JPH2: variants seen among roughly 807,000 people sequenced by gnomAD.
JPH2 encodes the protein junctophilin-2.
In JPH2, 38 loss-of-function variants were observed where a neutral mutation model predicts 55.9. The ratio of observed to expected loss-of-function variants is 0.68; its 90% CI spans 0.52 to 0.89. The LOEUF (loss-of-function observed/expected upper bound fraction) is 0.89. JPH2 is among the 40% of genes least tolerant of loss of function. The probability of loss-of-function intolerance (pLI) is 0.00; values close to 1 mark genes in which losing one functional copy is unlikely to be tolerated. For synonymous variants in JPH2, 480 were observed against 472.4 expected (o/e 1.02, Z -0.21); for missense variants, 964 against 1,037.6 (o/e 0.93, Z 0.97).
Position 44,109,504 on chromosome 20 carries a change from G to T in JPH2, c.*4014C>A, listed in dbSNP as rs3827093. Among the ~76,000 whole-genome samples, 64,220 of 152,016 alleles carry T rather than the reference G, an allele frequency of 0.42. 13,935 individuals carry two copies. The highest frequency in any genetic ancestry group is 0.53 in the African/African-American group (21,836 of 41,428). ...AGCTGTTCTGCCACCACATACAGGA[G>T]GTGAAGGGCTTAGCACAGGGCCTGA... On this transcript the variant is annotated 3_prime_UTR_variant, in exon 6 of 6. Coordinates refer to ENST00000372980, the MANE Select transcript of JPH2 (RefSeq NM_020433.5).
rs1478212139 is a variant in JPH2 at position 44,159,424 on chromosome 20, G to A, written c.1169+194C>T. ...GGTTAAGTCAGTGGAAGGGCTGGGT[G>A]TAACTGAGTGATGGATGGATGGGTG... On this transcript the variant is annotated intron_variant, in intron 2 of 5. Transcript: ENST00000372980. This position sits in a 1 kb window ranked among gnomAD's most constrained non-coding sequence, Gnocchi z 5.7. Among the ~76,000 whole-genome samples the A allele has an allele frequency of 1.3e-5, 2 of 152,126 alleles. No individual in the cohort carries two copies. Among genetic ancestry groups the A allele is most frequent in the East Asian group, 3.9e-4 (2 of 5,194 alleles).
At chr20:44,142,007 G>A (rs1020549724) in intron 2 of JPH2, among the ~76,000 whole-genome samples, 19 of 152,310 alleles carry the variant, frequency 1.2e-4, no homozygotes, top group Middle Eastern at 6.8e-3. Flanking sequence ...AGAGACAGAC[G>A]CAGTGACTGA....
intron 1 of JPH2, among the ~76,000 whole-genome samples, chr20:44,162,787 T>TATATATATACAC (rs1311653754): frequency 2.4e-5 from 1 of 41,004 alleles, no homozygotes; most frequent in Non-Finnish European, 4.2e-5. Context: ...TATATATATA[T>TATATATATACAC]ACACACACAC....
chr20:44,121,729 G>A (rs1045423100), intron 2 of JPH2, among the ~76,000 whole-genome samples: 7 of 152,102 alleles, frequency 4.6e-5, no homozygotes, highest in Admixed American at 3.3e-4. Context: ...GCTCGTGCTT[G>A]TAATCCCAGC....
chr20:44,116,993 CT>C (rs1296324181), intron 3 of JPH2, among the ~76,000 whole-genome samples: 2 of 152,150 alleles, frequency 1.3e-5, no homozygotes, highest in African/African-American at 4.8e-5. Flanking sequence ...CTTAAAAACC[CT>C]TCATGGCTGG....
chr20:44,163,224 A>C (rs2072628330), intron 1 of JPH2, among the ~76,000 whole-genome samples: 1 of 152,234 alleles, frequency 6.6e-6, no homozygotes, highest in African/African-American at 2.4e-5. Context: ...AATATCTGCA[A>C]AATGGCTGAC....
chr20:44,133,985 AT>A (rs5841550), intron 2 of JPH2, among the ~76,000 whole-genome samples: 4 of 35,000 alleles, frequency 1.1e-4, no homozygotes, highest in African/African-American at 2.4e-4. Flanking sequence ...ATAAATATAT[AT>A]TATTATAAAT....
Position 44,118,545 on chromosome 20 carries a change from G to T in JPH2, c.1248C>A (p.Arg416=), listed in dbSNP as rs1244198485. The change falls in exon 3 of 6, where the codon CGC becomes CGA. Residue 416 remains arginine, a synonymous_variant. Coordinates refer to ENST00000372980, the MANE Select transcript of JPH2 (RefSeq NM_020433.5). ...LAANQESNIA[R]TLARELAPDF... Reference sequence around the variant, plus strand: ...CCGGAGCCAGCTCCCTGGCCAAAGTGCGAGCAATGTTGGACTCCTGGTTGG... The same window carrying T: ...CCGGAGCCAGCTCCCTGGCCAAAGTTCGAGCAATGTTGGACTCCTGGTTGG... The T allele has an allele frequency of 1.9e-6, 3 of 1,613,254 alleles. No homozygotes were observed. Among genetic ancestry groups the T allele is most frequent in the Non-Finnish European group, 8.5e-7 (1 of 1,180,044 alleles).
rs1022498081 is a variant in JPH2 at position 44,114,692 on chromosome 20, C to T, written c.*14+90G>A. The T allele has an allele frequency of 2.3e-5, 21 of 898,794 alleles. No homozygotes were observed. In the African/African-American group the frequency reaches 3.0e-4, roughly 13 times the overall value. 55.7% of individuals were successfully genotyped at this position (898,794 alleles called of 1,614,324 possible). A position where few individuals can be genotyped will look rare whatever the true frequency, so the allele number is the denominator to read the frequency against. On this transcript the variant is annotated intron_variant, in intron 5 of 5. Coordinates refer to ENST00000372980, the MANE Select transcript of JPH2 (RefSeq NM_020433.5). ...TAGTCACAGGACTGTCATCCAAGTACCGAGTAGGTCCCTCCTCCCACCACC... is the reference window on the plus strand; with the variant it reads ...TAGTCACAGGACTGTCATCCAAGTATCGAGTAGGTCCCTCCTCCCACCACC...
intron 2 of JPH2, among the ~76,000 whole-genome samples, chr20:44,154,588 G>A (rs1021727507): frequency 2.6e-5 from 4 of 152,272 alleles, no homozygotes; most frequent in African/African-American, 7.2e-5. Flanking sequence ...CCTGATCGTA[G>A]CCTCCGGGCT....
At chr20:44,148,071 G>A (rs1454520515) in intron 2 of JPH2, among the ~76,000 whole-genome samples, 1 of 152,138 alleles carries the variant, frequency 6.6e-6, no homozygotes, top group Non-Finnish European at 1.5e-5. Context: ...GCTGAGGTAG[G>A]AGAATTGCTT....
intron 2 of JPH2, among the ~76,000 whole-genome samples, chr20:44,127,142 T>C (rs944444297): frequency 2.6e-5 from 4 of 152,232 alleles, no homozygotes; most frequent in Admixed American, 6.5e-5. Context: ...CAGTACTTCA[T>C]TCCTTTTTAT....
rs974221060 is a variant in JPH2, at chr20:44,108,813, G to A, written c.*4705C>T. ...AAATATGACTCCCCGCTCAGTCCAG[G>A]CTCTGTCACTGACTTGCTGTGTGAT... On this transcript the variant is annotated 3_prime_UTR_variant, in exon 6 of 6. Transcript: ENST00000372980. Among the ~76,000 whole-genome samples the A allele has an allele frequency of 2.6e-5, 4 of 152,040 alleles. No homozygotes were observed. The highest frequency in any genetic ancestry group is 5.9e-5 in the Non-Finnish European group (4 of 68,008).
chr20:44,153,368 A>G (rs1172995272), intron 2 of JPH2, among the ~76,000 whole-genome samples: 1 of 152,184 alleles, frequency 6.6e-6, no homozygotes, highest in Non-Finnish European at 1.5e-5. Context: ...GCCTAAGGTC[A>G]CACAGTTTAT....
At chr20:44,123,539 G>A (rs761763105) in intron 2 of JPH2, among the ~76,000 whole-genome samples, 2 of 152,166 alleles carry the variant, frequency 1.3e-5, no homozygotes, top group South Asian at 2.1e-4. Context: ...TATGGCCTTC[G>A]AGGCTCTCCA....
At chr20:44,148,890 C>G (rs946538489) in intron 2 of JPH2, among the ~76,000 whole-genome samples, 2 of 151,906 alleles carry the variant, frequency 1.3e-5, no homozygotes, top group African/African-American at 2.4e-5. Context: ...GGTGAAACCC[C>G]GTCTCTACTA....
At chr20:44,175,097 T>A (rs2072723872) in intron 1 of JPH2, among the ~76,000 whole-genome samples, 1 of 152,120 alleles carries the variant, frequency 6.6e-6, no homozygotes, top group African/African-American at 2.4e-5. Context: ...CTTTGTCCGG[T>A]CTCCCCAGGG....
rs1268028208 is a variant in JPH2, at chr20:44,159,502, G to C, written c.1169+116C>G. Reference sequence around the variant, plus strand: ...GAGCCTCCAATTAACCCCTGAAGGTGATGGGGGTAAAAGAAGCAGAATCAG... The same window carrying C: ...GAGCCTCCAATTAACCCCTGAAGGTCATGGGGGTAAAAGAAGCAGAATCAG... On this transcript the variant is annotated intron_variant, in intron 2 of 5. Transcript: ENST00000372980. The surrounding 1 kb of genome is among the most constrained non-coding windows in gnomAD (Gnocchi z 5.7). 3 of 1,082,364 alleles carry C rather than the reference G, an allele frequency of 2.8e-6. No individual in the cohort carries two copies. The highest frequency in any genetic ancestry group is 1.6e-5 in the African/African-American group (1 of 64,094). 67.0% of individuals were successfully genotyped at this position (1,082,364 alleles called of 1,614,324 possible). A position where few individuals can be genotyped will look rare whatever the true frequency, so the allele number is the denominator to read the frequency against.
chr20:44,178,562 C>A lies in JPH2; in HGVS notation c.379+7765G>T, dbSNP rs1380447834. 3.3e-5 allele frequency among the ~76,000 whole-genome samples: 5 copies of A among 152,156 alleles called. No homozygotes were observed. The East Asian group carries it at 7.7e-4, about 23-fold the overall frequency. On this transcript the variant is annotated intron_variant, in intron 1 of 5. Coordinates refer to ENST00000372980, the MANE Select transcript of JPH2 (RefSeq NM_020433.5). Reference sequence around the variant, plus strand: ...CAGTCTTCATCAAAATCCCAGCAGGCCTTTTTCAGAAATCAAGAGGCTGGT... The same window carrying A: ...CAGTCTTCATCAAAATCCCAGCAGGACTTTTTCAGAAATCAAGAGGCTGGT...
Sources: gnomAD v4.1 joint callset for allele counts (sites outside exome capture counted in the v4.1 genomes callset) on GRCh38, gnomAD v4.1.1 for gene constraint, Gnocchi (gnomAD v3.1) non-coding constraint, MANE v1.5 for transcripts, NCBI Gene and HGNC (gene_info 2026-07-23, HGNC 2026-07-21) for gene names.